The following DCDC2 variants were observed in gnomAD, a reference collection of about 807,000 sequenced individuals.
The protein encoded by DCDC2 is doublecortin domain-containing protein 2.
In DCDC2, 40 loss-of-function variants were observed where a neutral mutation model predicts 50.2. The ratio of observed to expected loss-of-function variants is 0.80; its 90% CI spans 0.62 to 1.04. DCDC2 has a LOEUF of 1.04. Ranked by LOEUF, DCDC2 falls within the 50% of genes least tolerant of loss-of-function variation. The probability of loss-of-function intolerance (pLI) is 0.00; values close to 1 mark genes in which losing one functional copy is unlikely to be tolerated. For synonymous variants in DCDC2, 234 were observed against 210.6 expected (o/e 1.11, Z -0.96); for missense variants, 570 against 581.9 (o/e 0.98, Z 0.21).
chr6:24,341,016 G>C (rs1321901911), intron 2 of DCDC2, among the ~76,000 whole-genome samples: 1 of 152,188 alleles, frequency 6.6e-6, no homozygotes, highest in Non-Finnish European at 1.5e-5. Context: ...GTGAGCCATG[G>C]AACCTGGCCA....
chr6:24,280,585 G>A (rs1204654174), intron 6 of DCDC2, among the ~76,000 whole-genome samples: 1 of 151,982 alleles, frequency 6.6e-6, no homozygotes, highest in Non-Finnish European at 1.5e-5. Flanking sequence ...CATCCAGGCT[G>A]GAGTAAAGTG....
chr6:24,319,152 C>T (rs1349380486), intron 2 of DCDC2, among the ~76,000 whole-genome samples: 1 of 151,958 alleles, frequency 6.6e-6, no homozygotes, highest in Non-Finnish European at 1.5e-5. Flanking sequence ...TATCTCATTG[C>T]ATTTTTAATT....
chr6:24,261,102 G>A (rs551936971), intron 7 of DCDC2, among the ~76,000 whole-genome samples: 1 of 151,812 alleles, frequency 6.6e-6, no homozygotes, highest in Non-Finnish European at 1.5e-5. Flanking sequence ...TTCATTTTAA[G>A]ATTGCAAAAT....
At chr6:24,283,888 C>T (rs926176047) in intron 6 of DCDC2, among the ~76,000 whole-genome samples, 1 of 152,194 alleles carries the variant, frequency 6.6e-6, no homozygotes, top group Non-Finnish European at 1.5e-5. Context: ...GGTTATTCTC[C>T]TCTACTCAAA....
intron 9 of DCDC2, among the ~76,000 whole-genome samples, chr6:24,177,440 C>T (rs1052743673): frequency 3.9e-5 from 6 of 152,166 alleles, no homozygotes; most frequent in African/African-American, 1.4e-4. Flanking sequence ...ATCAAGTAGA[C>T]CTCAGTGATC....
rs370968620 is a variant in DCDC2, at chr6:24,200,718, G to T, written c.1023+4284C>A. Among the ~76,000 whole-genome samples the T allele has an allele frequency of 3.3e-5, 5 of 152,104 alleles. No homozygotes were observed. The East Asian group carries it at 7.7e-4, about 24-fold the overall frequency. On this transcript the variant is annotated intron_variant, in intron 8 of 9. Transcript: ENST00000378454. ...ACACAGACTGCCAATTGGATAAAGAGTCAAGACCCATCGGTGTGCTGTATT... is the reference window on the plus strand; with the variant it reads ...ACACAGACTGCCAATTGGATAAAGATTCAAGACCCATCGGTGTGCTGTATT...
At chr6:24,309,746 A>G (rs925200592) in intron 2 of DCDC2, among the ~76,000 whole-genome samples, 1 of 152,248 alleles carries the variant, frequency 6.6e-6, no homozygotes, top group African/African-American at 2.4e-5. Flanking sequence ...AATGAACTAA[A>G]AATTCCAACT....
chr6:24,326,355 AC>A (rs577170843), intron 2 of DCDC2, among the ~76,000 whole-genome samples: 1 of 148,152 alleles, frequency 6.7e-6, no homozygotes, highest in Non-Finnish European at 1.5e-5. Context: ...CAATAGAAGG[AC>A]CCCCCCATGC....
chr6:24,312,931 C>A (rs577024460), intron 2 of DCDC2, among the ~76,000 whole-genome samples: 68 of 152,182 alleles, frequency 4.5e-4, no homozygotes, highest in African/African-American at 1.6e-3. Flanking sequence ...ATAAGTAATA[C>A]CTTCTTTGGA....
Position 24,174,836 on chromosome 6 carries a change from TAGA to T in DCDC2, c.1327-5_1327-3del. ...TGGTCTTTGAGGGTCTACATCAGCC[TAGA>T]AGAAAATAGATCAAAACAAAGGTAT... On this transcript the variant is annotated splice_polypyrimidine_tract_variant and splice_region_variant and intron_variant, in intron 9 of 9. Transcript: ENST00000378454. The T allele has an allele frequency of 1.9e-6, 3 of 1,596,112 alleles. No individual in the cohort carries two copies. The highest frequency in any genetic ancestry group is 2.6e-6 in the Non-Finnish European group (3 of 1,165,606).
chr6:24,218,423 A>G (rs1310528741), intron 7 of DCDC2, among the ~76,000 whole-genome samples: 2 of 152,192 alleles, frequency 1.3e-5, no homozygotes, highest in East Asian at 1.9e-4. Flanking sequence ...TTTGTTCTCT[A>G]TCTATAATAA....
At chr6:24,263,421 G>C (rs953177305) in intron 7 of DCDC2, among the ~76,000 whole-genome samples, 2 of 152,052 alleles carry the variant, frequency 1.3e-5, no homozygotes, top group Non-Finnish European at 2.9e-5. Context: ...ATCCCAGAGT[G>C]ATACAGATAC....
rs1191351196 is a variant in DCDC2, at chr6:24,357,580, T to G, written c.171A>C (p.Ala57=). The G allele has an allele frequency of 6.2e-7, 1 of 1,612,932 alleles. No individual in the cohort carries two copies. Among genetic ancestry groups the G allele is most frequent in the African/African-American group, 1.3e-5 (1 of 74,808 alleles). ...FLKEVTGGVQ[A]PFGAVRNIYT... is the part of the protein sequence containing the mutation. The stretch of plus-strand genomic sequence containing the variant: ...AGATGTTCCTGACGGCCCCAAAGGG[T>G]GCCTGAACGCCGCCGGTCACCTCCT... Residue 57 remains alanine (A), a synonymous_variant, in exon 1 of 10, where the codon GCA becomes GCC. Coordinates refer to ENST00000378454, the MANE Select transcript of DCDC2 (RefSeq NM_016356.5).
chr6:24,223,308 T>C (rs1277310253), intron 7 of DCDC2, among the ~76,000 whole-genome samples: 1 of 152,226 alleles, frequency 6.6e-6, no homozygotes, highest in East Asian at 1.9e-4. Context: ...CGTGCAATTT[T>C]ATGGTGTGGT....
intron 7 of DCDC2, among the ~76,000 whole-genome samples, chr6:24,276,091 T>G (rs1360220405): frequency 6.6e-6 from 1 of 151,934 alleles, no homozygotes; most frequent in Non-Finnish European, 1.5e-5. Context: ...CAGGCTGGTC[T>G]CAAACTCAAG....
At chr6:24,245,708 C>T (rs1453287185) in intron 7 of DCDC2, among the ~76,000 whole-genome samples, 2 of 152,102 alleles carry the variant, frequency 1.3e-5, no homozygotes, top group African/African-American at 4.8e-5. Context: ...AGAGAATTAG[C>T]ATTTAGAGAA....
chr6:24,284,601 ACT>A (rs1316504575), intron 6 of DCDC2, among the ~76,000 whole-genome samples: 5 of 144,704 alleles, frequency 3.5e-5, no homozygotes, highest in African/African-American at 7.9e-5. Flanking sequence ...ACAGAGTGAG[ACT>A]CTGTCTCAAA....
In DCDC2 at chr6:24,172,716, G is replaced by C. The variant is rs1453966233; in HGVS notation, c.*2014C>G. On this transcript the variant is annotated 3_prime_UTR_variant, in exon 10 of 10. Coordinates refer to ENST00000378454, the MANE Select transcript of DCDC2 (RefSeq NM_016356.5). ...TAATATTAAAAGACCAACTGGGACC[G>C]GGTGCTGTGGCTCACACCTGTAATC... is the stretch of plus-strand genomic sequence containing the variant. 1 of 152,014 alleles carries C rather than the reference G, an allele frequency of 6.6e-6. No homozygotes were observed. The highest frequency in any genetic ancestry group is 2.4e-5 in the African/African-American group (1 of 41,380). 9.4% of individuals were successfully genotyped at this position (152,014 alleles called of 1,614,324 possible).
intron 1 of DCDC2, 67 bp downstream of exon 1, chr6:24,357,391 A>G (rs1165311960): frequency 6.7e-7 from 1 of 1,501,160 alleles, no homozygotes; most frequent in African/African-American, 1.4e-5. Context: ...AGGGATCTGC[A>G]TTTCTTCATA....
Sources: allele counts gnomAD v4.1 joint callset (sites outside exome capture counted in the v4.1 genomes callset), GRCh38; gene constraint gnomAD v4.1.1; transcripts MANE v1.5; gene names NCBI Gene and HGNC (gene_info 2026-07-23, HGNC 2026-07-21).